The following UNC13C variants were observed in gnomAD, a reference collection of about 807,000 sequenced individuals.
UNC13C encodes the protein unc-13 homolog C, also known as protein unc-13 homolog C.
Under a neutral mutation model 245.4 loss-of-function variants are expected in UNC13C, and 174 were observed. The observed-to-expected ratio is 0.71, with a 90% CI of 0.63 to 0.80. The LOEUF is 0.80. UNC13C is among the 30% of genes least tolerant of loss of function. UNC13C has a pLI of 0.00. For missense variants in UNC13C, 2,829 were observed against 2,602.9 expected (o/e 1.09, Z -1.89); for synonymous variants, 992 against 895.1 (o/e 1.11, Z -1.93).
At chr15:54,436,137 G>A (rs368484041) in intron 19 of UNC13C, among the ~76,000 whole-genome samples, 4 of 152,004 alleles carry the variant, frequency 2.6e-5, no homozygotes, top group East Asian at 3.9e-4. Context: ...CTGTTGGTGG[G>A]AATGTAAATT....
chr15:54,492,306 T>C (rs1893750716), intron 19 of UNC13C, among the ~76,000 whole-genome samples: 1 of 152,082 alleles, frequency 6.6e-6, no homozygotes, highest in South Asian at 2.1e-4. Flanking sequence ...CCAAAATATT[T>C]ATTTAAATGA....
intron 13 of UNC13C, among the ~76,000 whole-genome samples, chr15:54,308,717 C>CT (rs982368676): frequency 7.3e-5 from 11 of 151,698 alleles, no homozygotes; most frequent in South Asian, 2.1e-4. Context: ...GTAAGTTCCT[C>CT]TTTTTTTATA....
At chr15:54,576,264 T>TC (rs1376575797) in intron 30 of UNC13C, among the ~76,000 whole-genome samples, 1 of 152,174 alleles carries the variant, frequency 6.6e-6, no homozygotes, top group Non-Finnish European at 1.5e-5. Flanking sequence ...ACAATGCCCC[T>TC]CCCACTGTCT....
At chr15:54,343,127 C>G (rs528505715) in intron 17 of UNC13C, among the ~76,000 whole-genome samples, 133 of 151,946 alleles carry the variant, frequency 8.8e-4, no homozygotes, top group African/African-American at 3.2e-3. Context: ...CATGTAATTA[C>G]CCATGCATAA....
chr15:54,026,841 TG>T (rs1202523554), intron 2 of UNC13C, among the ~76,000 whole-genome samples: 2 of 152,230 alleles, frequency 1.3e-5, no homozygotes, highest in African/African-American at 2.4e-5. Context: ...TTTAATTTCC[TG>T]GCTGGGCGTC....
chr15:54,199,047 A>C (rs891172509), intron 4 of UNC13C, among the ~76,000 whole-genome samples: 2 of 151,994 alleles, frequency 1.3e-5, no homozygotes, highest in Non-Finnish European at 2.9e-5. Context: ...TGCAAAATAC[A>C]CTGGAAACTC....
At chr15:53,967,825 T>C in the UNC13C span, among the ~76,000 whole-genome samples, 1 of 152,312 alleles carries the variant, frequency 6.6e-6, no homozygotes, top group East Asian at 1.9e-4. Context: ...TGGTTTCATA[T>C]AGATAGTAAA....
intron 30 of UNC13C, among the ~76,000 whole-genome samples, chr15:54,604,466 T>G (rs548560662): frequency 1.3e-5 from 2 of 152,198 alleles, no homozygotes; most frequent in African/African-American, 4.8e-5. Flanking sequence ...GTAAACACTT[T>G]ATTTTGAGAG....
chr15:54,181,995 GTTC>G (rs1364081531), intron 4 of UNC13C, among the ~76,000 whole-genome samples: 2 of 151,832 alleles, frequency 1.3e-5, no homozygotes, highest in African/African-American at 4.8e-5. Context: ...GATAGTTTGA[GTTC>G]TTCTTTGCCT....
chr15:54,540,933 T>A (rs554374875), intron 26 of UNC13C, among the ~76,000 whole-genome samples: 1 of 152,178 alleles, frequency 6.6e-6, no homozygotes, highest in East Asian at 1.9e-4. Context: ...TTGTTGTGTC[T>A]CCAATCATAC....
At chr15:54,400,662 T>G (rs761035486) in intron 18 of UNC13C, among the ~76,000 whole-genome samples, 1 of 152,182 alleles carries the variant, frequency 6.6e-6, no homozygotes, top group Non-Finnish European at 1.5e-5. Context: ...CATTGAAAAT[T>G]TCTTCATCAA....
intron 17 of UNC13C, among the ~76,000 whole-genome samples, chr15:54,372,030 C>A (rs953510968): frequency 1.2e-4 from 18 of 152,038 alleles, no homozygotes; most frequent in African/African-American, 3.9e-4. Context: ...TATTGTACAA[C>A]ATGTGACTAT....
Position 54,627,354 on chromosome 15 carries a change from G to T in UNC13C, c.*241G>T. The T allele has an allele frequency of 3.0e-6, 1 of 333,108 alleles. No individual in the cohort carries two copies. Among genetic ancestry groups the T allele is most frequent in the Non-Finnish European group, 5.5e-6 (1 of 182,890 alleles). 20.6% of individuals were successfully genotyped at this position (333,108 alleles called of 1,614,324 possible). On this transcript the variant is annotated 3_prime_UTR_variant, in exon 33 of 33. Coordinates refer to ENST00000260323, the MANE Select transcript of UNC13C (RefSeq NM_001080534.3). ...AAATATCAAGAACACCTTTTAACAT[G>T]TTTATTTTGTTTCTTTACCCATTTC...
chr15:54,058,820 T>G (rs1897662935), intron 2 of UNC13C, among the ~76,000 whole-genome samples: 2 of 152,152 alleles, frequency 1.3e-5, no homozygotes, highest in South Asian at 4.1e-4. Flanking sequence ...TGCAAATCAA[T>G]AAACGTAATC....
intron 4 of UNC13C, among the ~76,000 whole-genome samples, chr15:54,225,544 C>T (rs1014026144): frequency 1.3e-5 from 2 of 152,036 alleles, no homozygotes; most frequent in African/African-American, 2.4e-5. Context: ...AGCTGTATTC[C>T]TGGGTATTTT....
At chr15:54,270,449 A>G (rs902844279) in intron 10 of UNC13C, among the ~76,000 whole-genome samples, 5 of 152,134 alleles carry the variant, frequency 3.3e-5, no homozygotes, top group African/African-American at 1.2e-4. Context: ...ACCTCACAGA[A>G]TTGTTGTGTT....
At chr15:53,908,022 C>T in the UNC13C span, among the ~76,000 whole-genome samples, 12 of 146,680 alleles carry the variant, frequency 8.2e-5, 2 homozygotes, top group African/African-American at 2.7e-4. Flanking sequence ...ACTGCAATTA[C>T]TGAGTAGTTA....
chr15:53,906,841 G>A, the UNC13C span, among the ~76,000 whole-genome samples: 1 of 152,152 alleles, frequency 6.6e-6, no homozygotes, highest in Admixed American at 6.5e-5. Flanking sequence ...AAGGCGAAGG[G>A]GAAGCAAGGA....
chr15:54,014,865 T>C lies in UNC13C; in HGVS notation c.1962T>C (p.Leu654=). The change falls in exon 2 of 33, where the codon CTT becomes CTC. Residue 654 remains leucine (L), a synonymous_variant. Transcript: ENST00000260323. The stretch of plus-strand genomic sequence containing the variant: ...CTCAGCTCTCTTTACATGAGGATCT[T>C]TCTCCATGGAAGGAATGGAATCAAG... ...SDSQLSLHED[L]SPWKEWNQGA... 1.2e-6 allele frequency: 2 copies of C among 1,613,910 alleles called. No homozygotes were observed. The highest frequency in any genetic ancestry group is 1.7e-6 in the Non-Finnish European group (2 of 1,179,824).
Sources: gnomAD v4.1 joint callset for allele counts (sites outside exome capture counted in the v4.1 genomes callset) on GRCh38, gnomAD v4.1.1 for gene constraint, MANE v1.5 for transcripts, NCBI Gene and HGNC (gene_info 2026-07-23, HGNC 2026-07-21) for gene names.